SAMD12: variants seen among roughly 807,000 people sequenced by gnomAD.
SAMD12 encodes sterile alpha motif domain containing 12.
Under a neutral mutation model 15.0 loss-of-function variants are expected in SAMD12, and 9 were observed. The ratio of observed to expected loss-of-function variants is 0.60; its 90% CI spans 0.36 to 1.05. The LOEUF is 1.05. SAMD12 is among the 50% of genes least tolerant of loss of function. The pLI is 0.01. For missense variants in SAMD12, 230 were observed against 234.2 expected (o/e 0.98, Z 0.12); for synonymous variants, 86 against 90.1 (o/e 0.96, Z 0.25).
At chr8:118,535,648 C>T (rs1374583817) in intron 2 of SAMD12, among the ~76,000 whole-genome samples, 3 of 152,206 alleles carry the variant, frequency 2.0e-5, no homozygotes, top group Admixed American at 6.5e-5. Flanking sequence ...TCAGCAATGG[C>T]GGGCGCCCCT....
intron 3 of SAMD12, among the ~76,000 whole-genome samples, chr8:118,430,371 CT>C (rs35835490): frequency 6.9e-4 from 100 of 145,952 alleles, no homozygotes; most frequent in Admixed American, 8.2e-4. Flanking sequence ...CTGTAATTGC[CT>C]TTTTTTTTTT....
intron 2 of SAMD12, among the ~76,000 whole-genome samples, chr8:118,452,823 T>C (rs1209094024): frequency 6.6e-6 from 1 of 152,186 alleles, no homozygotes; most frequent in Non-Finnish European, 1.5e-5. Context: ...CCTAACATGG[T>C]CCTAACTCAA....
chr8:118,434,778 C>G (rs1314906469), intron 3 of SAMD12, among the ~76,000 whole-genome samples: 2 of 152,146 alleles, frequency 1.3e-5, no homozygotes, highest in Non-Finnish European at 2.9e-5. Flanking sequence ...TAATGCCTTT[C>G]CAGTGTTCTA....
In SAMD12 at chr8:118,379,693, G is replaced by A; in HGVS notation, c.330C>T (p.Ala110=). 6.2e-7 allele frequency: 1 copy of A among 1,613,184 alleles called. No individual in the cohort carries two copies. The highest frequency in any genetic ancestry group is 8.5e-7 in the Non-Finnish European group (1 of 1,179,432). ...GCTTTTTGTCAGTAAGTCTCAGCAG[G>A]GCTCGCCCTGCAGGGTTTTAAGAAA... ...SFKQHDITGR[A]LLRLTDKKLE... is the part of the protein sequence containing the mutation. The change falls in exon 4 of 4, where the codon GCC becomes GCT. Residue 110 remains alanine (A), a synonymous_variant. Transcript: ENST00000314727.
chr8:118,618,035 T>G lies in SAMD12; in HGVS notation c.13+3769A>C, dbSNP rs866527564. ...TCACAAGACATTGTTTTTGTTTTTT[T>G]TTTTTTTAAAAAAAGGCAATGTATG... is the stretch of plus-strand genomic sequence containing the variant. On this transcript the variant is annotated intron_variant, in intron 1 of 3. Coordinates refer to ENST00000314727, the MANE Select transcript of SAMD12 (RefSeq NM_207506.3). 1.7e-3 allele frequency among the ~76,000 whole-genome samples: 254 copies of G among 150,546 alleles called. 2 individuals carry two copies. Among genetic ancestry groups the G allele is most frequent in the African/African-American group, 4.8e-3 (192 of 40,024 alleles).
intron 1 of SAMD12, among the ~76,000 whole-genome samples, chr8:118,601,745 C>T (rs1827871140): frequency 6.6e-6 from 1 of 152,168 alleles, no homozygotes; most frequent in Admixed American, 6.5e-5. Flanking sequence ...GCAGTTGGCT[C>T]CTCTAAAAAC....
In SAMD12 at chr8:118,378,101, T is replaced by C. The variant is rs1298697549; in HGVS notation, c.*1316A>G. 6.6e-6 allele frequency: 1 copy of C among 152,316 alleles called. No individual in the cohort carries two copies. Among genetic ancestry groups the C allele is most frequent in the Admixed American group, 6.5e-5 (1 of 15,272 alleles). 9.4% of individuals were successfully genotyped at this position (152,316 alleles called of 1,614,324 possible). On this transcript the variant is annotated 3_prime_UTR_variant, in exon 4 of 4. Transcript: ENST00000314727. The stretch of plus-strand genomic sequence containing the variant: ...TACAAAATTGGGCTTATATTATGCA[T>C]ACAATTTTACACATGACCTTTCCTC...
At chr8:118,555,491 T>C (rs1045400898) in intron 2 of SAMD12, among the ~76,000 whole-genome samples, 2 of 152,204 alleles carry the variant, frequency 1.3e-5, no homozygotes, top group East Asian at 1.9e-4. Flanking sequence ...CTTTGTGTTA[T>C]TGATATGCAA....
chr8:118,460,599 G>A (rs980232998), intron 2 of SAMD12, among the ~76,000 whole-genome samples: 1 of 152,162 alleles, frequency 6.6e-6, no homozygotes, highest in Non-Finnish European at 1.5e-5. Context: ...TAGGACAGAG[G>A]TGCATGAGAA....
intron 4 of SAMD12, among the ~76,000 whole-genome samples, chr8:118,259,864 A>G (rs538396098): frequency 2.0e-5 from 3 of 152,260 alleles, no homozygotes; most frequent in Non-Finnish European, 2.9e-5. Context: ...GGAAGAATCA[A>G]CATAGTATTG....
At chr8:118,191,776 A>T (rs1207948076) in exon 5 of SAMD12, 1 of 33,982 alleles carries the variant, frequency 2.9e-5, no homozygotes, top group Non-Finnish European at 5.4e-5. Context: ...ATATATATAT[A>T]TATATATATA....
intron 4 of SAMD12, among the ~76,000 whole-genome samples, chr8:118,342,174 C>A (rs1339219867): frequency 6.6e-6 from 1 of 152,096 alleles, no homozygotes; most frequent in Admixed American, 6.6e-5. Flanking sequence ...CATCTGTAAT[C>A]CCAGCTACTC....
At chr8:118,223,505 T>C (rs1812124797) in intron 4 of SAMD12, among the ~76,000 whole-genome samples, 1 of 152,210 alleles carries the variant, frequency 6.6e-6, no homozygotes, top group African/African-American at 2.4e-5. Context: ...ATTCAGTTGA[T>C]TGATTTCAAG....
chr8:118,253,281 C>A (rs1812860350), intron 4 of SAMD12, among the ~76,000 whole-genome samples: 1 of 152,140 alleles, frequency 6.6e-6, no homozygotes. Context: ...AAGGTGAAAT[C>A]TAGAGTAAGT....
downstream of SAMD12, among the ~76,000 whole-genome samples, chr8:118,185,913 C>A (rs962143924): frequency 5.9e-5 from 9 of 152,190 alleles, no homozygotes; most frequent in African/African-American, 2.2e-4. Context: ...TGTGGCACCA[C>A]TTCTTTCCTG....
downstream of SAMD12, among the ~76,000 whole-genome samples, chr8:118,185,358 C>G (rs1429855726): frequency 6.6e-6 from 1 of 152,056 alleles, no homozygotes; most frequent in Non-Finnish European, 1.5e-5. Context: ...AAACTGTACC[C>G]AATATGTAGT....
chr8:118,190,204 C>T (rs895009600), exon 5 of SAMD12: 14 of 152,164 alleles, frequency 9.2e-5, no homozygotes, highest in Admixed American at 9.2e-4. Flanking sequence ...CCCATCCTCC[C>T]TTCTCATACT....
chr8:118,542,762 A>G (rs1030380136), intron 2 of SAMD12, among the ~76,000 whole-genome samples: 1 of 152,252 alleles, frequency 6.6e-6, no homozygotes, highest in Non-Finnish European at 1.5e-5. Flanking sequence ...TTCTATTTTG[A>G]GGAATGATTC....
At chr8:118,240,666 T>C (rs576653296) in intron 4 of SAMD12, among the ~76,000 whole-genome samples, 2 of 152,306 alleles carry the variant, frequency 1.3e-5, no homozygotes, top group South Asian at 2.1e-4. Flanking sequence ...ATTGTTATTA[T>C]AATCTTTTGA....
Sources: allele counts gnomAD v4.1 joint callset (sites outside exome capture counted in the v4.1 genomes callset), GRCh38; gene constraint gnomAD v4.1.1; transcripts MANE v1.5; gene names NCBI Gene and HGNC (gene_info 2026-07-23, HGNC 2026-07-21).